The following MSI2 variants were observed in gnomAD, a reference collection of about 807,000 sequenced individuals.
MSI2 encodes RNA-binding protein Musashi homolog 2.
A neutral mutation model predicts 45.6 loss-of-function variants in MSI2; 17 were observed. The ratio of observed to expected loss-of-function variants is 0.37; its 90% CI spans 0.26 to 0.56. The LOEUF (loss-of-function observed/expected upper bound fraction) is 0.56. Among genes scored for constraint, MSI2 ranks in the 20% least tolerant of loss-of-function variants. The probability of loss-of-function intolerance (pLI) is 0.77; values close to 1 mark genes in which losing one functional copy is unlikely to be tolerated. For synonymous variants in MSI2, 156 were observed against 158.2 expected, an observed-to-expected ratio of 0.99 and a Z score of 0.11; for missense variants, 293 against 444.2, an observed-to-expected ratio of 0.66 and a Z score of 3.06.
chr17:57,487,258 G>T (rs758721316), intron 6 of MSI2, among the ~76,000 whole-genome samples: 1 of 152,214 alleles, frequency 6.6e-6, no homozygotes, highest in Non-Finnish European at 1.5e-5. Flanking sequence ...TTCTGCCTGC[G>T]CTGTTGGGAG....
intron 7 of MSI2, among the ~76,000 whole-genome samples, chr17:57,541,173 G>GAC (rs1200394845): frequency 6.6e-6 from 1 of 151,992 alleles, no homozygotes; most frequent in East Asian, 1.9e-4. Flanking sequence ...GAGAGAGAGA[G>GAC]AGAGACACTT....
intron 6 of MSI2, among the ~76,000 whole-genome samples, chr17:57,517,354 G>C (rs1464832269): frequency 6.6e-6 from 1 of 152,154 alleles, no homozygotes; most frequent in South Asian, 2.1e-4. Context: ...GCGCTGATTC[G>C]GGTGCCTGAT....
In MSI2 at chr17:57,612,539, G is replaced by A. The variant is rs903077656; in HGVS notation, c.538-3431G>A. Among the ~76,000 whole-genome samples the A allele has an allele frequency of 7.0e-5, 2 of 28,372 alleles. 1 individual carries two copies. Among genetic ancestry groups the A allele is most frequent in the African/African-American group, 1.7e-4 (2 of 11,876 alleles). The allele number at this position is 28,372 out of a possible 152,430, so 18.6% of individuals were successfully genotyped here. On this transcript the variant is annotated intron_variant, in intron 8 of 13. Transcript: ENST00000284073. Reference sequence around the variant, plus strand: ...CCAGGGTCCCCTGGAGAGTGTATGCGCCATGGCCCCTGGCCTTGGGGAACA... The same window carrying A: ...CCAGGGTCCCCTGGAGAGTGTATGCACCATGGCCCCTGGCCTTGGGGAACA...
chr17:57,290,486 T>G (rs934940115), intron 5 of MSI2, among the ~76,000 whole-genome samples: 1 of 152,176 alleles, frequency 6.6e-6, no homozygotes, highest in Non-Finnish European at 1.5e-5. Flanking sequence ...TTTTTAAAAA[T>G]TTTTTGTAGA....
At chr17:57,464,472 C>A (rs192531294) in intron 6 of MSI2, among the ~76,000 whole-genome samples, 4 of 152,248 alleles carry the variant, frequency 2.6e-5, no homozygotes. Context: ...GCAGAGGTGT[C>A]TTAGAAGCAG....
chr17:57,492,220 G>T (rs1398341066), intron 6 of MSI2, among the ~76,000 whole-genome samples: 1 of 152,212 alleles, frequency 6.6e-6, no homozygotes, highest in African/African-American at 2.4e-5. Flanking sequence ...ATGAAAAACG[G>T]GGGAAGGATT....
chr17:57,256,876 G>A, intron 1 of MSI2, 72 bp downstream of exon 1: 1 of 1,223,678 alleles, frequency 8.2e-7, no homozygotes, highest in Non-Finnish European at 1.1e-6. Flanking sequence ...ACGGCGGTGC[G>A]CGGAGCCGGG....
chr17:57,671,482 A>C (rs1233005927), intron 11 of MSI2: 2 of 152,116 alleles, frequency 1.3e-5, no homozygotes, highest in African/African-American at 4.8e-5. Flanking sequence ...TGGCCCCCCA[A>C]AATAAGTCTC....
At chr17:57,534,423 T>C (rs1412406269) in intron 7 of MSI2, among the ~76,000 whole-genome samples, 1 of 152,208 alleles carries the variant, frequency 6.6e-6, no homozygotes, top group African/African-American at 2.4e-5. Context: ...TGTTAAAACC[T>C]GGATGCCAGT....
intron 5 of MSI2, among the ~76,000 whole-genome samples, chr17:57,329,609 G>T (rs1369776962): frequency 2.0e-5 from 3 of 152,172 alleles, no homozygotes; most frequent in African/African-American, 4.8e-5. Context: ...GTCACTGAGG[G>T]TATATAGAGG....
the MSI2 span, among the ~76,000 whole-genome samples, chr17:57,696,024 G>C: frequency 6.6e-6 from 1 of 152,152 alleles, no homozygotes; most frequent in African/African-American, 2.4e-5. Context: ...TTCCTTGGAG[G>C]CTTCACCTCC....
intron 7 of MSI2, among the ~76,000 whole-genome samples, chr17:57,531,321 C>T (rs1367122213): frequency 2.6e-5 from 4 of 152,164 alleles, no homozygotes; most frequent in Non-Finnish European, 4.4e-5. Context: ...CAGGATTGCT[C>T]GGAGAGTGTA....
At chr17:57,631,692 G>T in intron 10 of MSI2, 1 of 1,018,240 alleles carries the variant, frequency 9.8e-7, no homozygotes, top group South Asian at 1.4e-5. Flanking sequence ...ATTATTATGG[G>T]TTGTGATCAG....
At chr17:57,461,138 C>T (rs1012828127) in intron 6 of MSI2, among the ~76,000 whole-genome samples, 1 of 152,126 alleles carries the variant, frequency 6.6e-6, no homozygotes, top group African/African-American at 2.4e-5. Context: ...AGCTTGTGCC[C>T]ATGGGGTCTG....
chr17:57,625,096 G>A (rs62058127), intron 9 of MSI2, among the ~76,000 whole-genome samples: 5,536 of 152,212 alleles, frequency 0.036, 166 homozygotes, highest in South Asian at 0.076. Flanking sequence ...GCACATTCAT[G>A]AGGGCTCCAC....
At chr17:57,479,569 TC>T (rs2085608709) in intron 6 of MSI2, among the ~76,000 whole-genome samples, 2 of 152,346 alleles carry the variant, frequency 1.3e-5, no homozygotes, top group African/African-American at 4.8e-5. Flanking sequence ...AACATTTCTT[TC>T]AATGAAGAGC....
chr17:57,446,532 G>A (rs752577382), intron 6 of MSI2, among the ~76,000 whole-genome samples: 9 of 152,226 alleles, frequency 5.9e-5, no homozygotes, highest in East Asian at 1.9e-4. Flanking sequence ...TGCCAAGCAC[G>A]TAGAATAGGG....
chr17:57,394,360 G>A (rs922305474), intron 5 of MSI2, among the ~76,000 whole-genome samples: 7 of 152,162 alleles, frequency 4.6e-5, no homozygotes, highest in African/African-American at 1.7e-4. Context: ...CTGTGGAAGA[G>A]TGGCTGGGAC....
chr17:57,649,208 T>C (rs1437687990), intron 10 of MSI2, among the ~76,000 whole-genome samples: 2 of 151,502 alleles, frequency 1.3e-5, no homozygotes, highest in African/African-American at 4.9e-5. Flanking sequence ...ACACTCAATA[T>C]ACAACACACA....
Sources: allele counts gnomAD v4.1 joint callset (sites outside exome capture counted in the v4.1 genomes callset), GRCh38; gene constraint gnomAD v4.1.1; transcripts MANE v1.5; gene names NCBI Gene and HGNC (gene_info 2026-07-23, HGNC 2026-07-21).